PIK3CD: variants seen among roughly 807,000 people sequenced by gnomAD.
PIK3CD encodes the protein phosphatidylinositol 4,5-bisphosphate 3-kinase catalytic subunit delta isoform.
In PIK3CD, 20 loss-of-function variants were observed where a neutral mutation model predicts 122.9. The observed-to-expected ratio is 0.16, with a 90% CI of 0.11 to 0.24. PIK3CD has a LOEUF of 0.24. Among genes scored for constraint, PIK3CD ranks in the 10% least tolerant of loss-of-function variants. PIK3CD has a pLI of 1.00. For missense variants in PIK3CD, 787 were observed against 1,406.3 expected (o/e 0.56, Z 7.04); for synonymous variants, 596 against 593.4 (o/e 1.00, Z -0.06).
chr1:9,694,567 T>C (rs1041263833), intron 2 of PIK3CD, among the ~76,000 whole-genome samples: 7 of 152,212 alleles, frequency 4.6e-5, no homozygotes, highest in African/African-American at 1.7e-4. Flanking sequence ...CTTTGTCATT[T>C]CACACTGAAG....
chr1:9,715,677 A>AGCCCTTCCT lies in PIK3CD; in HGVS notation c.283_291dup (p.Phe95_Pro97dup). 6.2e-7 allele frequency: 1 copy of AGCCCTTCCT among 1,613,734 alleles called. No homozygotes were observed. The highest frequency in any genetic ancestry group is 8.5e-7 in the Non-Finnish European group (1 of 1,180,030). On this transcript the variant is annotated inframe_insertion, in exon 4 of 24. Coordinates refer to ENST00000377346, the MANE Select transcript of PIK3CD (RefSeq NM_005026.5). This position sits in a 1 kb window ranked among gnomAD's most constrained non-coding sequence, Gnocchi z 4.1. ...GAGCAACGGCGTCTGTGTGACGTGC[A>AGCCCTTCCT]GCCCTTCCTGCCCGTCCTGCGCCTG...
chr1:9,705,753 C>T (rs764488684), intron 2 of PIK3CD, among the ~76,000 whole-genome samples: 2 of 151,650 alleles, frequency 1.3e-5, no homozygotes, highest in African/African-American at 2.4e-5. Context: ...CAGGGAAATG[C>T]AAATTAAAAC....
Position 9,674,004 on chromosome 1 carries a change from G to T in PIK3CD, c.-137-17463G>T, listed in dbSNP as rs991262497. Among the ~76,000 whole-genome samples, 6 of 152,230 alleles carry T rather than the reference G, an allele frequency of 3.9e-5. No individual in the cohort carries two copies. The East Asian group carries it at 9.6e-4, about 24-fold the overall frequency. ...GGCTCGACTCCATGGCACCCCGGGG[G>T]TGGTCAGCACGTAGAGGCCATTGGC... On this transcript the variant is annotated intron_variant, in intron 1 of 23. Coordinates refer to ENST00000377346, the MANE Select transcript of PIK3CD (RefSeq NM_005026.5).
chr1:9,685,136 G>A (rs1178997501), intron 1 of PIK3CD, among the ~76,000 whole-genome samples: 1 of 152,150 alleles, frequency 6.6e-6, no homozygotes, highest in Non-Finnish European at 1.5e-5. Flanking sequence ...AAGGATGGCA[G>A]GAGAGCATGG....
intron 1 of PIK3CD, among the ~76,000 whole-genome samples, chr1:9,673,387 G>A (rs1645397941): frequency 6.6e-6 from 1 of 152,000 alleles, no homozygotes; most frequent in South Asian, 2.1e-4. Flanking sequence ...AGCCTCCCGT[G>A]TAGCTAGGAT....
chr1:9,675,108 G>T (rs577111425), intron 1 of PIK3CD, among the ~76,000 whole-genome samples: 5 of 151,514 alleles, frequency 3.3e-5, no homozygotes, highest in African/African-American at 9.7e-5. Context: ...GTTTGAGGCC[G>T]GGCGCGGTGG....
In PIK3CD at chr1:9,715,664, CTG is replaced by C. The variant is rs775052663; in HGVS notation, c.270_271del (p.Cys90Ter). 2 of 1,613,758 alleles carry C rather than the reference CTG, an allele frequency of 1.2e-6. No individual in the cohort carries two copies. Among genetic ancestry groups the C allele is most frequent in the African/African-American group, 1.3e-5 (1 of 75,086 alleles). ...AGAGCTGGAGGACGAGCAACGGCGT[CTG>C]TGTGACGTGCAGCCCTTCCTGCCCG... ...QQELEDEQRR[L>X]CDVQPFLPVL... is the part of the protein sequence containing the mutation. On this transcript the variant is annotated frameshift_variant, in exon 4 of 24. Transcript: ENST00000377346. LOFTEE classifies it high-confidence loss of function. This position sits in a 1 kb window ranked among gnomAD's most constrained non-coding sequence, Gnocchi z 4.1.
intron 2 of PIK3CD, among the ~76,000 whole-genome samples, chr1:9,701,668 CAAAAAAAAA>C (rs1163030937): frequency 2.5e-5 from 2 of 78,990 alleles, no homozygotes; most frequent in African/African-American, 9.1e-5. Context: ...GACTCTGTCT[CAAAAAAAAA>C]AAAAAAAAAA....
the PIK3CD span, among the ~76,000 whole-genome samples, chr1:9,635,128 A>G: frequency 6.6e-6 from 1 of 152,028 alleles, no homozygotes; most frequent in South Asian, 2.1e-4. Flanking sequence ...CCCCTCTCTT[A>G]GCCAGGCGTG....
chr1:9,723,471 T>C lies in PIK3CD; in HGVS notation c.2594+179T>C, dbSNP rs550885947. ...GTGAGGTAGGTCTCTCTTCCCCAAG[T>C]ATCAGTGTCTCTTGCTATGCAACAC... On this transcript the variant is annotated intron_variant, in intron 20 of 23. Coordinates refer to ENST00000377346, the MANE Select transcript of PIK3CD (RefSeq NM_005026.5). The surrounding 1 kb of genome is among the most constrained non-coding windows in gnomAD (Gnocchi z 4.9). 6.6e-6 allele frequency among the ~76,000 whole-genome samples: 1 copy of C among 152,300 alleles called. No individual in the cohort carries two copies. Among genetic ancestry groups the C allele is most frequent in the African/African-American group, 2.4e-5 (1 of 41,578 alleles).
Position 9,726,909 on chromosome 1 carries a change from G to C in PIK3CD, c.2998G>C (p.Asp1000His). The change falls in exon 24 of 24, where the codon GAC becomes CAC. Residue 1000 changes from aspartate (D) to histidine (H), a missense_variant and splice_region_variant. Physicochemically the swap from Asp to His is moderately conservative, Grantham distance 81. Transcript: ENST00000377346. ...SCSKDIQYLK[D>H]SLALGKTEEE... ...GGACACCGCTGTGATTTGTTTGCAG[G>C]ACTCCCTGGCACTGGGGAAAACAGA... The C allele has an allele frequency of 6.2e-7, 1 of 1,613,848 alleles. No homozygotes were observed. Among genetic ancestry groups the C allele is most frequent in the East Asian group, 2.2e-5 (1 of 44,880 alleles).
chr1:9,678,157 AAC>A (rs1433424578), intron 1 of PIK3CD, among the ~76,000 whole-genome samples: 6 of 142,530 alleles, frequency 4.2e-5, no homozygotes, highest in East Asian at 2.1e-4. Flanking sequence ...AAAAAAAAAA[AAC>A]AAAAACAAAA....
Position 9,723,945 on chromosome 1 carries a change from T to G in PIK3CD, c.2595-24T>G. 6.8e-6 allele frequency: 11 copies of G among 1,613,204 alleles called. No individual in the cohort carries two copies. The highest frequency in any genetic ancestry group is 9.3e-6 in the Non-Finnish European group (11 of 1,179,210). On this transcript the variant is annotated intron_variant, in intron 20 of 23. Transcript: ENST00000377346. The surrounding 1 kb of genome is among the most constrained non-coding windows in gnomAD (Gnocchi z 4.9). ...GCGGAGCTGCAAAATGGTATGGCCA[T>G]GCTTTTTAATCTTCCCCACCCAGGG... is the stretch of plus-strand genomic sequence containing the variant.
At chr1:9,637,338 C>A in the PIK3CD span, among the ~76,000 whole-genome samples, 1 of 151,994 alleles carries the variant, frequency 6.6e-6, no homozygotes, top group African/African-American at 2.4e-5. Flanking sequence ...GAGACCAGCC[C>A]AGGCAACATA....
Position 9,711,709 on chromosome 1 carries a change from G to A in PIK3CD, c.141+1113G>A, listed in dbSNP as rs192528094. Among the ~76,000 whole-genome samples the A allele has an allele frequency of 3.9e-5, 6 of 152,148 alleles. No homozygotes were observed. The East Asian group carries it at 5.8e-4, about 15-fold the overall frequency. ...CTTACCTCAGCCTCCTGAGTAGCTG[G>A]GACTACAGGCACGTGCCATCAAGCC... is the stretch of plus-strand genomic sequence containing the variant. On this transcript the variant is annotated intron_variant, in intron 3 of 23. Coordinates refer to ENST00000377346, the MANE Select transcript of PIK3CD (RefSeq NM_005026.5).
At chr1:9,629,272 G>T in the PIK3CD span, among the ~76,000 whole-genome samples, 1 of 151,910 alleles carries the variant, frequency 6.6e-6, no homozygotes, top group Admixed American at 6.6e-5. Flanking sequence ...TTGTCACTGG[G>T]GTGCCTTCCC....
chr1:9,725,637 G>A (rs752855864), intron 23 of PIK3CD, among the ~76,000 whole-genome samples: 1 of 152,062 alleles, frequency 6.6e-6, no homozygotes, highest in African/African-American at 2.4e-5. Context: ...CCAGCACTTT[G>A]GGGGGCTGAG....
chr1:9,714,548 G>T (rs1647197558), intron 3 of PIK3CD, among the ~76,000 whole-genome samples: 1 of 152,172 alleles, frequency 6.6e-6, no homozygotes, highest in Non-Finnish European at 1.5e-5. Context: ...CACACCTGCT[G>T]CTCTGTATCT....
At chr1:9,709,588 C>T (rs980584314) in intron 2 of PIK3CD, among the ~76,000 whole-genome samples, 2 of 151,846 alleles carry the variant, frequency 1.3e-5, no homozygotes, top group African/African-American at 4.8e-5. Flanking sequence ...ACCTGTAGGC[C>T]CAGCTACTTG....
Sources: allele counts gnomAD v4.1 joint callset (sites outside exome capture counted in the v4.1 genomes callset), GRCh38; gene constraint gnomAD v4.1.1; non-coding constraint Gnocchi (gnomAD v3.1); transcripts MANE v1.5; gene names NCBI Gene and HGNC (gene_info 2026-07-23, HGNC 2026-07-21).